The following IQGAP2 variants were observed in gnomAD, a reference collection of about 807,000 sequenced individuals.
IQGAP2 encodes the protein ras GTPase-activating-like protein IQGAP2.
Under a neutral mutation model 201.3 loss-of-function variants are expected in IQGAP2, and 173 were observed. The ratio of observed to expected loss-of-function variants is 0.86; its 90% CI spans 0.76 to 0.98. IQGAP2 has a LOEUF of 0.98. IQGAP2 is among the 50% of genes least tolerant of loss of function. The probability of loss-of-function intolerance (pLI) is 0.00; values close to 1 mark genes in which losing one functional copy is unlikely to be tolerated. For synonymous variants in IQGAP2, 675 were observed against 673.9 expected, an observed-to-expected ratio of 1.00 and a Z score of -0.03; for missense variants, 1,687 against 1,864.8, an observed-to-expected ratio of 0.90 and a Z score of 1.76.
intron 17 of IQGAP2, among the ~76,000 whole-genome samples, chr5:76,641,602 A>AT (rs972529197): frequency 6.6e-6 from 1 of 151,992 alleles, no homozygotes; most frequent in Non-Finnish European, 1.5e-5. Context: ...TTCATTCCCA[A>AT]TTTTTTTGCT....
intron 13 of IQGAP2, among the ~76,000 whole-genome samples, chr5:76,624,845 G>A (rs1006145962): frequency 1.3e-5 from 2 of 152,140 alleles, no homozygotes; most frequent in Non-Finnish European, 2.9e-5. Context: ...AGGCTGAGGT[G>A]GGGGGATCAC....
At position 76,698,162 on chromosome 5, in the gene IQGAP2, T is replaced by G; in HGVS notation, c.4367+15T>G. On this transcript the variant is annotated intron_variant, in intron 33 of 35. Coordinates refer to ENST00000274364, the MANE Select transcript of IQGAP2 (RefSeq NM_006633.5). The stretch of plus-strand genomic sequence containing the variant: ...TTAAAAAGAAAGTAAGTTAAAATCA[T>G]GTCATGTTCATTTGTAATGTCATGA... The G allele has an allele frequency of 6.5e-7, 1 of 1,539,102 alleles. No homozygotes were observed.
chr5:76,671,283 A>G (rs991378051), intron 23 of IQGAP2, among the ~76,000 whole-genome samples: 5 of 152,098 alleles, frequency 3.3e-5, no homozygotes, highest in Non-Finnish European at 7.4e-5. Flanking sequence ...AGAAATATAC[A>G]CCTTATAAAT....
At chr5:76,690,512 G>T (rs1432456745) in intron 30 of IQGAP2, among the ~76,000 whole-genome samples, 1 of 152,136 alleles carries the variant, frequency 6.6e-6, no homozygotes, top group Admixed American at 6.6e-5. Context: ...GACTAACCAG[G>T]TTTCATGACT....
At chr5:76,418,388 A>G (rs933294406) in intron 1 of IQGAP2, among the ~76,000 whole-genome samples, 1 of 151,914 alleles carries the variant, frequency 6.6e-6, no homozygotes, top group Admixed American at 6.6e-5. Context: ...TTGAAAACAG[A>G]AGTTAATAGT....
chr5:76,640,950 C>A lies in IQGAP2; in HGVS notation c.1941C>A (p.Val647=). ...CTTGCCAGGACATTATTGAGGAAGTCACAGTAGGTTACATTCGTGAGAATA... is the reference window on the plus strand; with the variant it reads ...CTTGCCAGGACATTATTGAGGAAGTAACAGTAGGTTACATTCGTGAGAATA... ...GKEIEDIIEE[V]TVGYIRENIW... is the part of the protein sequence containing the mutation. The change falls in exon 17 of 36, where the codon GTC becomes GTA. Residue 647 remains valine (V), a synonymous_variant. Coordinates refer to ENST00000274364, the MANE Select transcript of IQGAP2 (RefSeq NM_006633.5). 6.3e-7 allele frequency: 1 copy of A among 1,589,246 alleles called. No individual in the cohort carries two copies. The highest frequency in any genetic ancestry group is 1.1e-5 in the South Asian group (1 of 89,104).
At position 76,582,423 on chromosome 5, in the gene IQGAP2, C is replaced by T. The variant is rs1580514183; in HGVS notation, c.459-6483C>T. Among the ~76,000 whole-genome samples, 4 of 152,286 alleles carry T rather than the reference C, an allele frequency of 2.6e-5. No individual in the cohort carries two copies. The South Asian group carries it at 8.3e-4, about 32-fold the overall frequency. ...GGAACTGAAAGCTTGGGTTACGTGA[C>T]TTGCTCTTAGTCACACACTGAGGTT... On this transcript the variant is annotated intron_variant, in intron 5 of 35. Transcript: ENST00000274364.
intron 1 of IQGAP2, among the ~76,000 whole-genome samples, chr5:76,425,554 GT>G (rs1238944920): frequency 6.6e-6 from 1 of 152,060 alleles, no homozygotes; most frequent in African/African-American, 2.4e-5. Flanking sequence ...GTGTCAAATT[GT>G]TAACAGTTGT....
intron 10 of IQGAP2, among the ~76,000 whole-genome samples, chr5:76,597,881 A>G (rs1269271749): frequency 2.6e-5 from 4 of 152,230 alleles, no homozygotes; most frequent in Non-Finnish European, 4.4e-5. Context: ...GTGATATTTG[A>G]AGACACCTTG....
chr5:76,431,795 C>T (rs1752381656), intron 1 of IQGAP2, among the ~76,000 whole-genome samples: 1 of 148,602 alleles, frequency 6.7e-6, no homozygotes, highest in African/African-American at 2.5e-5. Context: ...TGCACTCCAG[C>T]CTGGCGACAG....
At chr5:76,659,705 C>A (rs1365832421) in intron 21 of IQGAP2, among the ~76,000 whole-genome samples, 1 of 152,138 alleles carries the variant, frequency 6.6e-6, no homozygotes, top group Non-Finnish European at 1.5e-5. Context: ...TTACACAAGA[C>A]CATCCCACAA....
chr5:76,426,933 T>TGTGTGTGA (rs772878589), intron 1 of IQGAP2, among the ~76,000 whole-genome samples: 5 of 151,842 alleles, frequency 3.3e-5, no homozygotes, highest in Admixed American at 2.0e-4. Flanking sequence ...TGTGTGTGTG[T>TGTGTGTGA]GTGAGTGTGT....
intron 28 of IQGAP2, among the ~76,000 whole-genome samples, chr5:76,680,222 G>T (rs1196718613): frequency 1.3e-5 from 2 of 152,300 alleles, no homozygotes; most frequent in East Asian, 1.9e-4. Context: ...TCTGACAGGG[G>T]ACTAAGTTCA....
chr5:76,692,389 T>C (rs186900527), intron 30 of IQGAP2, among the ~76,000 whole-genome samples: 101 of 152,322 alleles, frequency 6.6e-4, no homozygotes, highest in Middle Eastern at 3.4e-3. Context: ...TGACCGCAGG[T>C]GATCCGCCCA....
intron 2 of IQGAP2, among the ~76,000 whole-genome samples, chr5:76,465,827 A>C (rs1441729533): frequency 6.6e-6 from 1 of 152,258 alleles, no homozygotes; most frequent in African/African-American, 2.4e-5. Context: ...AATAAAATTA[A>C]CAAAAGAAGT....
rs534809581 is a variant in IQGAP2, at chr5:76,551,591, G to A, written c.147-10805G>A. Among the ~76,000 whole-genome samples, 24 of 152,270 alleles carry A rather than the reference G, an allele frequency of 1.6e-4. 1 individual carries two copies. The South Asian group carries it at 4.6e-3, about 29-fold the overall frequency. On this transcript the variant is annotated intron_variant, in intron 2 of 35. Transcript: ENST00000274364. ...TTGAGCACTGAGTGAGCGAGACTCC[G>A]TCTGCAATCCCGGCACCTCGGGAGG... is the stretch of plus-strand genomic sequence containing the variant.
At chr5:76,589,548 A>C in intron 6 of IQGAP2, 67 bp from the exon 7 acceptor site, 1 of 833,062 alleles carries the variant, frequency 1.2e-6, no homozygotes, top group Non-Finnish European at 1.9e-6. Flanking sequence ...GATTGTACTC[A>C]TTCCTGCATC....
At chr5:76,461,481 G>A in intron 1 of IQGAP2, 89 bp from the exon 2 acceptor site, 1 of 801,362 alleles carries the variant, frequency 1.2e-6, no homozygotes, top group Non-Finnish European at 2.1e-6. Flanking sequence ...TAAATGTTCA[G>A]CTGCATATGA....
chr5:76,582,943 C>T (rs1230663715), intron 5 of IQGAP2, among the ~76,000 whole-genome samples: 8 of 152,312 alleles, frequency 5.3e-5, no homozygotes, highest in South Asian at 4.2e-4. Flanking sequence ...GCAACCCCTC[C>T]GTTGCTGGCC....
Sources: gnomAD v4.1 joint callset for allele counts (sites outside exome capture counted in the v4.1 genomes callset) on GRCh38, gnomAD v4.1.1 for gene constraint, MANE v1.5 for transcripts, NCBI Gene and HGNC (gene_info 2026-07-23, HGNC 2026-07-21) for gene names.